The following SMARCC1 variants were observed in gnomAD, a reference collection of about 807,000 sequenced individuals.
SMARCC1 encodes the protein SWI/SNF related BAF chromatin remodeling complex subunit C1.
In SMARCC1, 43 loss-of-function variants were observed where a neutral mutation model predicts 147.4. That is an observed-to-expected ratio of 0.29 (90% CI 0.23 to 0.38). The LOEUF (loss-of-function observed/expected upper bound fraction) is 0.38, where lower values mean the gene tolerates loss of function less well. SMARCC1 is among the 10% of genes least tolerant of loss of function. The probability of loss-of-function intolerance (pLI) is 1.00; values close to 1 mark genes in which losing one functional copy is unlikely to be tolerated. For missense variants in SMARCC1, 1,119 were observed against 1,381.1 expected (o/e 0.81, Z 3.01); for synonymous variants, 495 against 484.4 (o/e 1.02, Z -0.29).
At chr3:47,754,204 ACT>A (rs1352915906) in intron 2 of SMARCC1, among the ~76,000 whole-genome samples, 1 of 141,218 alleles carries the variant, frequency 7.1e-6, no homozygotes, top group Non-Finnish European at 1.5e-5. Context: ...TATGAACTTT[ACT>A]CTTTTTTTTT....
In SMARCC1 at chr3:47,693,474, T is replaced by G. The variant is rs529579992; in HGVS notation, c.1166-174A>C. On this transcript the variant is annotated intron_variant, in intron 11 of 27. Transcript: ENST00000254480. ...CAGCTATGAAATATTTAACAGACTA[T>G]ATTCTCATTACCCAAGCACCATATA... 2.0e-5 allele frequency among the ~76,000 whole-genome samples: 3 copies of G among 152,308 alleles called. No individual in the cohort carries two copies. The South Asian group carries it at 6.2e-4, about 32-fold the overall frequency.
At chr3:47,671,355 A>G (rs2106749517) in intron 18 of SMARCC1, among the ~76,000 whole-genome samples, 1 of 152,292 alleles carries the variant, frequency 6.6e-6, no homozygotes, top group South Asian at 2.1e-4. Flanking sequence ...CAGCTGTAAT[A>G]TCACAAACAT....
intron 12 of SMARCC1, among the ~76,000 whole-genome samples, chr3:47,691,668 A>T (rs181062904): frequency 3.9e-5 from 6 of 152,126 alleles, no homozygotes; most frequent in Admixed American, 3.9e-4. Flanking sequence ...CAGTTGATGG[A>T]TCACTCTCCA....
intron 3 of SMARCC1, among the ~76,000 whole-genome samples, chr3:47,740,475 G>T (rs1464476531): frequency 6.6e-6 from 1 of 151,036 alleles, no homozygotes; most frequent in Non-Finnish European, 1.5e-5. Flanking sequence ...GATTACAGGT[G>T]TGAGCCACTA....
At chr3:47,744,801 G>A (rs1576428732) in intron 3 of SMARCC1, among the ~76,000 whole-genome samples, 1 of 152,150 alleles carries the variant, frequency 6.6e-6, no homozygotes, top group Non-Finnish European at 1.5e-5. Flanking sequence ...AGTACCAAGA[G>A]AGACAGCTAG....
Position 47,770,667 on chromosome 3 carries a change from ATCTT to A in SMARCC1, c.315+2146_315+2149del, listed in dbSNP as rs534310957. On this transcript the variant is annotated intron_variant, in intron 2 of 27. Transcript: ENST00000254480. ...GGCAACACAGCAACACCCCGTCTCT[ATCTT>A]TATAAATTAAAATTAAAAAAAGGTA... is the stretch of plus-strand genomic sequence containing the variant. 3.9e-3 allele frequency among the ~76,000 whole-genome samples: 592 copies of A among 152,254 alleles called. 5 individuals are homozygous for A. Among genetic ancestry groups the A allele is most frequent in the African/African-American group, 0.013 (559 of 41,556 alleles).
At chr3:47,659,832 T>C (rs1027059128) in intron 21 of SMARCC1, among the ~76,000 whole-genome samples, 5 of 147,736 alleles carry the variant, frequency 3.4e-5, no homozygotes, top group Non-Finnish European at 7.4e-5. Flanking sequence ...ACACATGATA[T>C]TCAAGATGAT....
At chr3:47,774,591 G>A (rs953431492) in intron 1 of SMARCC1, among the ~76,000 whole-genome samples, 4 of 151,808 alleles carry the variant, frequency 2.6e-5, no homozygotes, top group Admixed American at 2.6e-4. Context: ...CTAATTTTTT[G>A]TATTTTTAGT....
intron 26 of SMARCC1, among the ~76,000 whole-genome samples, chr3:47,599,783 C>G (rs1012202390): frequency 3.3e-5 from 5 of 152,124 alleles, no homozygotes; most frequent in African/African-American, 1.2e-4. Context: ...TTTCTGAACC[C>G]GCAATTCAGA....
rs543120733 is a variant in SMARCC1, at chr3:47,585,489, C to T, written c.*2720G>A. 2 of 152,288 alleles carry T rather than the reference C, an allele frequency of 1.3e-5. No individual in the cohort carries two copies. Among genetic ancestry groups the T allele is most frequent in the Middle Eastern group, 3.4e-3 (1 of 294 alleles). The allele number at this position is 152,288 out of a possible 1,614,324, so 9.4% of individuals were successfully genotyped here. A position where few individuals can be genotyped will look rare whatever the true frequency, so the allele number is the denominator to read the frequency against. On this transcript the variant is annotated 3_prime_UTR_variant, in exon 28 of 28. Transcript: ENST00000254480. ...AAACAATCACTTCTTTTTTTCTGCACAGGGTTTATATCTGTGAGTACCCAA... is the reference window on the plus strand; with the variant it reads ...AAACAATCACTTCTTTTTTTCTGCATAGGGTTTATATCTGTGAGTACCCAA...
Position 47,587,160 on chromosome 3 carries a change from G to C in SMARCC1, c.*1049C>G, listed in dbSNP as rs2032083735. 6.6e-6 allele frequency: 1 copy of C among 152,510 alleles called. No individual in the cohort carries two copies. The highest frequency in any genetic ancestry group is 1.5e-5 in the Non-Finnish European group (1 of 68,020). 9.4% of individuals were successfully genotyped at this position (152,510 alleles called of 1,614,324 possible). On this transcript the variant is annotated 3_prime_UTR_variant, in exon 28 of 28. Coordinates refer to ENST00000254480, the MANE Select transcript of SMARCC1 (RefSeq NM_003074.4). ...CCACTCCCTGGCTACTGTAACAAGA[G>C]GTAGTTTGGGGACTTGTACCCCCAG... is the stretch of plus-strand genomic sequence containing the variant.
chr3:47,656,945 G>T (rs2033270084), intron 21 of SMARCC1, among the ~76,000 whole-genome samples: 1 of 151,890 alleles, frequency 6.6e-6, no homozygotes, highest in South Asian at 2.1e-4. Flanking sequence ...AACAACAAAA[G>T]TAAACAAACC....
intron 24 of SMARCC1, among the ~76,000 whole-genome samples, chr3:47,625,745 A>G (rs897834250): frequency 6.6e-6 from 1 of 152,262 alleles, no homozygotes; most frequent in Non-Finnish European, 1.5e-5. Context: ...AAAACAAAGT[A>G]TATCTAAATG....
At chr3:47,718,058 G>C (rs2034180066) in intron 7 of SMARCC1, among the ~76,000 whole-genome samples, 1 of 150,986 alleles carries the variant, frequency 6.6e-6, no homozygotes, top group South Asian at 2.1e-4. Flanking sequence ...CAGCCCCCAG[G>C]GAGGCTGAGG....
chr3:47,607,789 A>G (rs2032500135), intron 26 of SMARCC1, among the ~76,000 whole-genome samples: 1 of 152,190 alleles, frequency 6.6e-6, no homozygotes, highest in South Asian at 2.1e-4. Context: ...CGTGCCTATA[A>G]TCCAGCTACT....
intron 7 of SMARCC1, among the ~76,000 whole-genome samples, chr3:47,718,649 A>G (rs1034724331): frequency 2.6e-5 from 4 of 152,058 alleles, no homozygotes; most frequent in African/African-American, 9.7e-5. Flanking sequence ...AATCACCATT[A>G]AAGAATTTAC....
At chr3:47,698,175 T>A (rs182920542) in intron 11 of SMARCC1, among the ~76,000 whole-genome samples, 1 of 150,510 alleles carries the variant, frequency 6.6e-6, no homozygotes, top group East Asian at 1.9e-4. Flanking sequence ...ATTCAACCAC[T>A]ACAAAAATCT....
At chr3:47,763,497 T>C (rs1364428223) in intron 2 of SMARCC1, among the ~76,000 whole-genome samples, 6 of 151,986 alleles carry the variant, frequency 3.9e-5, no homozygotes, top group African/African-American at 1.4e-4. Context: ...CTTTACATTT[T>C]TGTAGATATA....
intron 14 of SMARCC1, 95 bp downstream of exon 14, chr3:47,685,954 T>G: frequency 1.1e-6 from 1 of 949,012 alleles, no homozygotes; most frequent in Non-Finnish European, 1.6e-6. Context: ...TAGTAATTTC[T>G]GATAAGGAAC....
Sources: allele counts gnomAD v4.1 joint callset (sites outside exome capture counted in the v4.1 genomes callset), GRCh38; gene constraint gnomAD v4.1.1; transcripts MANE v1.5; gene names NCBI Gene and HGNC (gene_info 2026-07-23, HGNC 2026-07-21).